The following SFTPD variants were observed in gnomAD, a reference collection of about 807,000 sequenced individuals.
SFTPD encodes the protein pulmonary surfactant-associated protein D.
A neutral mutation model predicts 34.6 loss-of-function variants in SFTPD; 18 were observed. The ratio of observed to expected loss-of-function variants is 0.52; its 90% CI spans 0.36 to 0.77. The LOEUF is 0.77. Among genes scored for constraint, SFTPD ranks in the 30% least tolerant of loss-of-function variants. SFTPD has a pLI of 0.00. For synonymous variants in SFTPD, 155 were observed against 180.9 expected (o/e 0.86, Z 1.15); for missense variants, 433 against 468.9 (o/e 0.92, Z 0.71).
At chr10:79,972,363 G>A (rs1400217301) in intron 1 of SFTPD, 1 of 152,266 alleles carries the variant, frequency 6.6e-6, no homozygotes, top group African/African-American at 2.4e-5. Context: ...GCCAGGCATG[G>A]TGGTGGGCAC....
chr10:79,974,285 C>T (rs562599177), intron 1 of SFTPD, among the ~76,000 whole-genome samples: 12 of 152,090 alleles, frequency 7.9e-5, no homozygotes, highest in African/African-American at 1.2e-4. Context: ...CTCCTGCCTC[C>T]GCCTCCCGAG....
chr10:79,946,386 C>T lies in SFTPD; in HGVS notation c.199+75G>A, dbSNP rs1406591727. ...GTCTCCAGACTTCCATAACAAAGTA[C>T]CCAGAGTTGCTGGGCTAGTTACAGT... On this transcript the variant is annotated intron_variant, in intron 2 of 7. Transcript: ENST00000372292. 1.2e-5 allele frequency: 13 copies of T among 1,119,360 alleles called. No homozygotes were observed. The East Asian group carries it at 1.7e-4, about 14-fold the overall frequency. 69.3% of individuals were successfully genotyped at this position (1,119,360 alleles called of 1,614,324 possible).
At chr10:79,945,217 C>G (rs897086300) in intron 2 of SFTPD, among the ~76,000 whole-genome samples, 17 of 152,132 alleles carry the variant, frequency 1.1e-4, no homozygotes, top group Non-Finnish European at 2.1e-4. Flanking sequence ...TGGGAAAGAT[C>G]CCTGAGATTC....
chr10:79,959,565 A>G (rs372351530), intron 1 of SFTPD, among the ~76,000 whole-genome samples: 1 of 152,118 alleles, frequency 6.6e-6, no homozygotes, highest in South Asian at 2.1e-4. Flanking sequence ...TAAATTCCTC[A>G]ACACATACAC....
At chr10:79,941,845 C>T (rs1364920409) in intron 5 of SFTPD, 109 bp downstream of exon 5, 11 of 762,632 alleles carry the variant, frequency 1.4e-5, no homozygotes, top group Admixed American at 6.0e-5. Context: ...CATGTTCCAG[C>T]GATACCACCT....
intron 1 of SFTPD, among the ~76,000 whole-genome samples, chr10:79,959,840 C>A (rs1389517866): frequency 6.6e-6 from 1 of 151,286 alleles, no homozygotes; most frequent in Admixed American, 6.6e-5. Flanking sequence ...GAAACACAAC[C>A]AAAAAAGAGA....
chr10:79,970,093 T>G (rs911472176), intron 1 of SFTPD: 1 of 152,374 alleles, frequency 6.6e-6, no homozygotes, highest in African/African-American at 2.4e-5. Context: ...CTTCTGCATG[T>G]GGACCTCCAG....
chr10:79,974,336 T>A (rs1842852262), intron 1 of SFTPD, among the ~76,000 whole-genome samples: 1 of 146,002 alleles, frequency 6.8e-6, no homozygotes, highest in African/African-American at 2.8e-5. Flanking sequence ...CCCAGCTAAT[T>A]TTTTTTTGTA....
chr10:79,982,313 C>T, intron 1 of SFTPD: 2 of 972,762 alleles, frequency 2.1e-6, no homozygotes, highest in South Asian at 7.7e-5. Flanking sequence ...GCCCAGTGGG[C>T]ACCAGCCCAG....
rs1258045566 is a variant in SFTPD, at chr10:79,937,824, A to G, written c.*28T>C. The G allele has an allele frequency of 6.6e-7, 1 of 1,517,310 alleles. No individual in the cohort carries two copies. The highest frequency in any genetic ancestry group is 8.8e-7 in the Non-Finnish European group (1 of 1,130,508). 94.0% of individuals were successfully genotyped at this position (1,517,310 alleles called of 1,614,324 possible). ...TGACTTCTGGCCAAACTCCTGGGCC[A>G]AGCACTGCCCCACCCACCCCAGTTG... is the stretch of plus-strand genomic sequence containing the variant. On this transcript the variant is annotated 3_prime_UTR_variant, in exon 8 of 8. Coordinates refer to ENST00000372292, the MANE Select transcript of SFTPD (RefSeq NM_003019.5).
intron 1 of SFTPD, among the ~76,000 whole-genome samples, chr10:79,956,432 A>G (rs1192796247): frequency 2.6e-5 from 4 of 152,278 alleles, no homozygotes; most frequent in African/African-American, 9.6e-5. Flanking sequence ...GGCACCTGGA[A>G]AATCGGGTCA....
At chr10:79,945,830 C>T (rs868355328) in intron 2 of SFTPD, among the ~76,000 whole-genome samples, 7 of 152,318 alleles carry the variant, frequency 4.6e-5, no homozygotes, top group Middle Eastern at 6.8e-3. Context: ...AGCCTTCGTC[C>T]TTTCCACCTC....
intron 2 of SFTPD, 51 bp downstream of exon 2, chr10:79,946,410 G>A (rs1466896406): frequency 7.2e-7 from 1 of 1,382,202 alleles, no homozygotes; most frequent in East Asian, 2.3e-5. Context: ...GCTAGTTACA[G>A]TTCCAATGAC....
intron 1 of SFTPD, among the ~76,000 whole-genome samples, chr10:79,979,277 A>G (rs1057248780): frequency 2.0e-5 from 3 of 152,246 alleles, no homozygotes; most frequent in Non-Finnish European, 4.4e-5. Flanking sequence ...GAGCCCTCCA[A>G]TGATCATTCC....
intron 1 of SFTPD, among the ~76,000 whole-genome samples, chr10:79,957,249 C>T (rs1214439469): frequency 6.6e-6 from 1 of 152,190 alleles, no homozygotes; most frequent in African/African-American, 2.4e-5. Context: ...AGTGCCTCTC[C>T]TCCTCCAAAG....
intron 1 of SFTPD, among the ~76,000 whole-genome samples, chr10:79,961,782 T>A (rs913143384): frequency 2.6e-5 from 4 of 152,098 alleles, no homozygotes; most frequent in African/African-American, 9.7e-5. Flanking sequence ...GACCCAGCCA[T>A]CCCATTACTG....
At chr10:79,942,691 C>CA in intron 3 of SFTPD, 72 bp downstream of exon 3, 1 of 1,107,632 alleles carries the variant, frequency 9.0e-7, no homozygotes, top group East Asian at 2.3e-5. Context: ...GGGCTCTGTG[C>CA]GTGCCCACTG....
At chr10:79,979,596 G>T (rs371936612) in intron 1 of SFTPD, among the ~76,000 whole-genome samples, 1 of 152,242 alleles carries the variant, frequency 6.6e-6, no homozygotes. Context: ...CACAGAGGAA[G>T]CATTTAGACC....
chr10:79,942,329 C>CAGG, intron 4 of SFTPD, 59 bp downstream of exon 4: 1 of 1,214,696 alleles, frequency 8.2e-7, no homozygotes, highest in Non-Finnish European at 1.2e-6. Flanking sequence ...CAGGTCATAT[C>CAGG]ATGGACCCTT....
Sources: gnomAD v4.1 joint callset for allele counts (sites outside exome capture counted in the v4.1 genomes callset) on GRCh38, gnomAD v4.1.1 for gene constraint, MANE v1.5 for transcripts, NCBI Gene and HGNC (gene_info 2026-07-23, HGNC 2026-07-21) for gene names.